The following SV2B variants were observed in gnomAD, a reference collection of about 807,000 sequenced individuals.
SV2B encodes synaptic vesicle glycoprotein 2B, also known as solute carrier family 22 member B2.
Under a neutral mutation model 73.9 loss-of-function variants are expected in SV2B, and 41 were observed. The ratio of observed to expected loss-of-function variants is 0.56; its 90% confidence interval spans 0.43 to 0.72. SV2B has a LOEUF of 0.72. Ranked by LOEUF, SV2B falls within the 30% of genes least tolerant of loss-of-function variation. SV2B has a pLI of 0.00. For synonymous variants in SV2B, 314 were observed against 314.2 expected, an observed-to-expected ratio of 1.00 and a Z score of 0.01; for missense variants, 764 against 857.8, an observed-to-expected ratio of 0.89 and a Z score of 1.37.
At chr15:91,269,858 A>G (rs114879840) in intron 9 of SV2B, among the ~76,000 whole-genome samples, 3 of 152,232 alleles carry the variant, frequency 2.0e-5, no homozygotes, top group African/African-American at 7.2e-5. Context: ...GCTGAAGCCC[A>G]GTTGCAGACA....
In SV2B at chr15:91,137,685, C is replaced by CATAT. The variant is rs1567282350; in HGVS notation, c.-392+37323_-392+37324insTATA. 8.0e-6 allele frequency among the ~76,000 whole-genome samples: 1 copy of CATAT among 125,734 alleles called. No individual in the cohort carries two copies. Among genetic ancestry groups the CATAT allele is most frequent in the African/African-American group, 2.8e-5 (1 of 35,138 alleles). 82.5% of individuals were successfully genotyped at this position (125,734 alleles called of 152,430 possible). On this transcript the variant is annotated intron_variant, in intron 1 of 12. Coordinates refer to ENST00000394232, the MANE Select transcript of SV2B (RefSeq NM_001323032.3). This position sits in a 1 kb window ranked among gnomAD's most constrained non-coding sequence, Gnocchi z 4.9. ...TATACATATATTTCATATATATATA[C>CATAT]ACACACACACACATTTGCACAGGTT...
chr15:91,261,907 C>T lies in SV2B; in HGVS notation c.1008+1498C>T, dbSNP rs2047921470. On this transcript the variant is annotated intron_variant, in intron 6 of 12. Coordinates refer to ENST00000394232, the MANE Select transcript of SV2B (RefSeq NM_001323032.3). This position sits in a 1 kb window ranked among gnomAD's most constrained non-coding sequence, Gnocchi z 4.7. ...CCAGGAGGCTATAGGCATCTTTGTG[C>T]ACCCGTTTTTATAACTTCCCCTACT... 6.6e-6 allele frequency among the ~76,000 whole-genome samples: 1 copy of T among 152,210 alleles called. No individual in the cohort carries two copies. Among genetic ancestry groups the T allele is most frequent in the African/African-American group, 2.4e-5 (1 of 41,452 alleles).
chr15:91,126,155 A>G (rs940229049), intron 1 of SV2B, among the ~76,000 whole-genome samples: 1 of 152,218 alleles, frequency 6.6e-6, no homozygotes, highest in Non-Finnish European at 1.5e-5. Context: ...GAAAGACAGC[A>G]TCTAGCTAAC....
chr15:91,236,804 C>T lies in SV2B; in HGVS notation c.451+10090C>T, dbSNP rs765450445. The stretch of plus-strand genomic sequence containing the variant: ...GCTGGAAGGTGGGGGCTGGAATCAT[C>T]GGAGGGCTCACCCACACAAATATCT... On this transcript the variant is annotated intron_variant, in intron 2 of 12. Transcript: ENST00000394232. The surrounding 1 kb of genome is among the most constrained non-coding windows in gnomAD (Gnocchi z 4.1). Among the ~76,000 whole-genome samples, 3 of 152,078 alleles carry T rather than the reference C, an allele frequency of 2.0e-5. No individual in the cohort carries two copies. The highest frequency in any genetic ancestry group is 2.9e-5 in the Non-Finnish European group (2 of 67,998).
intron 1 of SV2B, among the ~76,000 whole-genome samples, chr15:91,148,400 T>C (rs1555472242): frequency 6.6e-6 from 1 of 152,112 alleles, no homozygotes; most frequent in South Asian, 2.1e-4. Context: ...AAAGCCAACA[T>C]TGGGTTTCCA....
At chr15:91,148,104 C>T (rs2043201389) in intron 1 of SV2B, among the ~76,000 whole-genome samples, 1 of 148,442 alleles carries the variant, frequency 6.7e-6, no homozygotes, top group Non-Finnish European at 1.5e-5. Flanking sequence ...TCTCAGCCTT[C>T]CAAGTAGCTG....
At chr15:91,180,566 A>G (rs1010473681) in intron 1 of SV2B, among the ~76,000 whole-genome samples, 9 of 152,122 alleles carry the variant, frequency 5.9e-5, no homozygotes, top group Admixed American at 2.0e-4. Context: ...ACATAGTCCC[A>G]TATTTCTTGG....
In SV2B at chr15:91,252,384, A is replaced by T; in HGVS notation, c.648A>T (p.Leu216=). 6.2e-7 allele frequency: 1 copy of T among 1,611,236 alleles called. No individual in the cohort carries two copies. The highest frequency in any genetic ancestry group is 8.5e-7 in the Non-Finnish European group (1 of 1,178,890). Residue 216 remains leucine, a synonymous_variant, in exon 4 of 13, where the codon CTA becomes CTT. Coordinates refer to ENST00000394232, the MANE Select transcript of SV2B (RefSeq NM_001323032.3). The surrounding 1 kb of genome is among the most constrained non-coding windows in gnomAD (Gnocchi z 4.6). ...LISGIGIGGA[L]PIVFAYFSEF... is the part of the protein sequence containing the mutation. The stretch of plus-strand genomic sequence containing the variant: ...TCCTTTGCAGTATTGGGGGTGCTCT[A>T]CCGATTGTTTTTGCCTATTTTTCTG...
At chr15:91,246,713 A>ACCTCCT (rs3837743) in intron 2 of SV2B, among the ~76,000 whole-genome samples, 112 of 141,838 alleles carry the variant, frequency 7.9e-4, no homozygotes, top group East Asian at 2.3e-3. Context: ...CCTCCTTTCA[A>ACCTCCT]CCTCCTCCTC....
rs996571770 is a variant in SV2B at position 91,283,824 on chromosome 15, A to G, written c.1508-197A>G. ...TTGCTTTTAGGAACTTGAACAGGTC[A>G]TTACATTTTTGGAAGTTTCTCTCCT... On this transcript the variant is annotated intron_variant, in intron 10 of 12. Coordinates refer to ENST00000394232, the MANE Select transcript of SV2B (RefSeq NM_001323032.3). This position sits in a 1 kb window ranked among gnomAD's most constrained non-coding sequence, Gnocchi z 4.3. Among the ~76,000 whole-genome samples, 10 of 138,394 alleles carry G rather than the reference A, an allele frequency of 7.2e-5. No individual in the cohort carries two copies. Among genetic ancestry groups the G allele is most frequent in the Non-Finnish European group, 1.1e-4 (7 of 64,312 alleles). The allele number at this position is 138,394 out of a possible 152,430, so 90.8% of individuals were successfully genotyped here.
rs778326772 is a variant in SV2B, at chr15:91,214,334, T to G, written c.-391-11539T>G. On this transcript the variant is annotated intron_variant, in intron 1 of 12. Coordinates refer to ENST00000394232, the MANE Select transcript of SV2B (RefSeq NM_001323032.3). The surrounding 1 kb of genome is among the most constrained non-coding windows in gnomAD (Gnocchi z 4.7). ...TCTCGTTGTCCTTTAGAGTGTGGTA[T>G]GCATCTCTGCAGGAATTAGGGAATA... is the stretch of plus-strand genomic sequence containing the variant. 6.6e-6 allele frequency among the ~76,000 whole-genome samples: 1 copy of G among 152,202 alleles called. No individual in the cohort carries two copies. The highest frequency in any genetic ancestry group is 1.5e-5 in the Non-Finnish European group (1 of 68,032).
intron 2 of SV2B, among the ~76,000 whole-genome samples, chr15:91,243,428 C>T (rs1229480445): frequency 6.6e-6 from 1 of 152,168 alleles, no homozygotes; most frequent in Non-Finnish European, 1.5e-5. Flanking sequence ...GTCTTAATGC[C>T]TCTTCTTTTT....
chr15:91,291,342 T>A (rs911143966), intron 12 of SV2B, among the ~76,000 whole-genome samples: 1 of 151,752 alleles, frequency 6.6e-6, no homozygotes, highest in African/African-American at 2.4e-5. Context: ...AAAGACTGGG[T>A]TGATGAATAT....
chr15:91,153,409 A>G (rs2043376816), intron 1 of SV2B, among the ~76,000 whole-genome samples: 1 of 152,116 alleles, frequency 6.6e-6, no homozygotes, highest in African/African-American at 2.4e-5. Flanking sequence ...CAGGCTCAGG[A>G]TGGAATCAGG....
rs2042562002 is a variant in SV2B, at chr15:91,128,813, AG to A, written c.-392+28452del. On this transcript the variant is annotated intron_variant, in intron 1 of 12. Transcript: ENST00000394232. This position sits in a 1 kb window ranked among gnomAD's most constrained non-coding sequence, Gnocchi z 4.2. ...GATGACCAGAGGAATCTAGACAGGT[AG>A]GTCTTCTGGGTTTCCTCACTTAGTC... 6.6e-6 allele frequency: 1 copy of A among 152,298 alleles called. No homozygotes were observed. The highest frequency in any genetic ancestry group is 1.5e-5 in the Non-Finnish European group (1 of 68,096). 9.4% of individuals were successfully genotyped at this position (152,298 alleles called of 1,614,324 possible). A position where few individuals can be genotyped will look rare whatever the true frequency, so the allele number is the denominator to read the frequency against.
intron 1 of SV2B, among the ~76,000 whole-genome samples, chr15:91,201,992 C>G (rs2045475648): frequency 6.6e-6 from 1 of 152,196 alleles, no homozygotes; most frequent in African/African-American, 2.4e-5. Flanking sequence ...CAGTATCTTT[C>G]ACTGTTTCTG....
intron 1 of SV2B, among the ~76,000 whole-genome samples, chr15:91,210,733 T>A (rs1381705205): frequency 6.6e-6 from 1 of 152,208 alleles, no homozygotes; most frequent in Non-Finnish European, 1.5e-5. Flanking sequence ...ATCTCCTCAG[T>A]TTCATGCCAG....
intron 1 of SV2B, among the ~76,000 whole-genome samples, chr15:91,192,763 C>G (rs547203798): frequency 6.6e-6 from 1 of 152,326 alleles, no homozygotes; most frequent in South Asian, 2.1e-4. Context: ...GAGTTTTGCT[C>G]GTAGTGGACA....
At position 91,231,374 on chromosome 15, in the gene SV2B, C is replaced by T. The variant is rs1348500883; in HGVS notation, c.451+4660C>T. On this transcript the variant is annotated intron_variant, in intron 2 of 12. Coordinates refer to ENST00000394232, the MANE Select transcript of SV2B (RefSeq NM_001323032.3). This position sits in a 1 kb window ranked among gnomAD's most constrained non-coding sequence, Gnocchi z 4.5. Reference sequence around the variant, plus strand: ...AGTGATTTTGGTACTGAGAGTGCTTCTAGAGGAGCAGAATTTTGAGGATGA... The same window carrying T: ...AGTGATTTTGGTACTGAGAGTGCTTTTAGAGGAGCAGAATTTTGAGGATGA... 1.3e-5 allele frequency among the ~76,000 whole-genome samples: 2 copies of T among 152,082 alleles called. No individual in the cohort carries two copies. Among genetic ancestry groups the T allele is most frequent in the Non-Finnish European group, 2.9e-5 (2 of 68,006 alleles).
Sources: gnomAD v4.1 joint callset for allele counts (sites outside exome capture counted in the v4.1 genomes callset) on GRCh38, gnomAD v4.1.1 for gene constraint, Gnocchi (gnomAD v3.1) non-coding constraint, MANE v1.5 for transcripts, NCBI Gene and HGNC (gene_info 2026-07-23, HGNC 2026-07-21) for gene names.